The following MFAP1 variants were observed in gnomAD, a reference collection of about 807,000 sequenced individuals.
MFAP1 encodes the protein microfibrillar-associated protein 1.
In MFAP1, 18 loss-of-function variants were observed where a neutral mutation model predicts 62.2. The ratio of observed to expected loss-of-function variants is 0.29; its 90% confidence interval spans 0.20 to 0.43. The LOEUF (loss-of-function observed/expected upper bound fraction) is 0.43. Ranked by LOEUF, MFAP1 falls within the 20% of genes least tolerant of loss-of-function variation. The pLI is 1.00. For missense variants in MFAP1, 355 were observed against 559.7 expected, an observed-to-expected ratio of 0.63 and a Z score of 3.69; for synonymous variants, 175 against 180.4, an observed-to-expected ratio of 0.97 and a Z score of 0.24.
chr15:43,816,733 C>T (rs2087436372), intron 2 of MFAP1, among the ~76,000 whole-genome samples: 1 of 152,202 alleles, frequency 6.6e-6, no homozygotes, highest in Non-Finnish European at 1.5e-5. Flanking sequence ...AAAGTAATGT[C>T]TCCATCAATA....
intron 2 of MFAP1, among the ~76,000 whole-genome samples, chr15:43,815,786 AC>A (rs2087430384): frequency 6.6e-6 from 1 of 152,080 alleles, no homozygotes; most frequent in Admixed American, 6.6e-5. Context: ...GGCATGCACC[AC>A]CACACCCAGC....
At chr15:43,816,209 C>G (rs1010374144) in intron 2 of MFAP1, among the ~76,000 whole-genome samples, 4 of 151,718 alleles carry the variant, frequency 2.6e-5, no homozygotes, top group African/African-American at 9.7e-5. Context: ...GTTTTTTCCC[C>G]CCTGGGCACT....
intron 5 of MFAP1, 50 bp downstream of exon 5, chr15:43,813,199 C>A: frequency 1.2e-6 from 2 of 1,614,116 alleles, no homozygotes; most frequent in Non-Finnish European, 1.7e-6. Flanking sequence ...CTCAGACAAA[C>A]CTGATTACAC....
At chr15:43,809,974 C>T in intron 6 of MFAP1, 60 bp from the exon 7 acceptor site, 1 of 1,580,126 alleles carries the variant, frequency 6.3e-7, no homozygotes, top group Non-Finnish European at 8.7e-7. Flanking sequence ...ACCAAATTAT[C>T]TGAAAATAAC....
chr15:43,805,314 A>G, intron 8 of MFAP1, 38 bp from the exon 9 acceptor site: 1 of 1,599,424 alleles, frequency 6.3e-7, no homozygotes, highest in Non-Finnish European at 8.5e-7. Context: ...ACCACCAAAC[A>G]AACCATGCCT....
chr15:43,818,298 C>T (rs1385665656), intron 1 of MFAP1, among the ~76,000 whole-genome samples: 1 of 151,976 alleles, frequency 6.6e-6, no homozygotes, highest in African/African-American at 2.4e-5. Context: ...GGATTACAGG[C>T]GTGAGCCACA....
chr15:43,820,687 C>T (rs888705261), intron 1 of MFAP1, among the ~76,000 whole-genome samples: 3 of 152,142 alleles, frequency 2.0e-5, no homozygotes, highest in South Asian at 2.1e-4. Context: ...CTCACCGCAG[C>T]GTCAGCCTCC....
chr15:43,823,794 T>G lies in MFAP1; in HGVS notation c.79+697A>C, dbSNP rs552298653. On this transcript the variant is annotated intron_variant, in intron 1 of 8. Coordinates refer to ENST00000267812, the MANE Select transcript of MFAP1 (RefSeq NM_005926.3). ...GCTGTTAAGATGAATGAATTAGATG[T>G]ATAGGGATCCAAAGATAATTCTCAA... Among the ~76,000 whole-genome samples, 86 of 152,270 alleles carry G rather than the reference T, an allele frequency of 5.6e-4. 1 individual carries two copies. Among genetic ancestry groups the G allele is most frequent in the Middle Eastern group, 3.4e-3 (1 of 294 alleles).
chr15:43,817,468 T>C lies in MFAP1; in HGVS notation c.80-20A>G. ...TCTCACCTGGGCGAGAAAGGTAACTTATGTTTCAGTAGCCTCTTTCTCAAT... is the reference window on the plus strand; with the variant it reads ...TCTCACCTGGGCGAGAAAGGTAACTCATGTTTCAGTAGCCTCTTTCTCAAT... On this transcript the variant is annotated intron_variant, in intron 1 of 8. Transcript: ENST00000267812. 6.2e-7 allele frequency: 1 copy of C among 1,612,860 alleles called. No individual in the cohort carries two copies. Among genetic ancestry groups the C allele is most frequent in the South Asian group, 1.1e-5 (1 of 91,034 alleles).
chr15:43,806,650 G>A (rs768805576), intron 7 of MFAP1, among the ~76,000 whole-genome samples: 3 of 151,552 alleles, frequency 2.0e-5, no homozygotes, highest in Admixed American at 6.6e-5. Context: ...CAAGGCGGGC[G>A]GATCACGAGG....
At chr15:43,809,217 C>A (rs577076843) in intron 7 of MFAP1, among the ~76,000 whole-genome samples, 2 of 151,996 alleles carry the variant, frequency 1.3e-5, no homozygotes, top group East Asian at 3.9e-4. Context: ...ATGGCTCATG[C>A]CTGTATTCCT....
chr15:43,808,732 G>A (rs1191104914), intron 7 of MFAP1, among the ~76,000 whole-genome samples: 1 of 152,218 alleles, frequency 6.6e-6, no homozygotes, highest in Non-Finnish European at 1.5e-5. Flanking sequence ...GAGGGTGGCA[G>A]GGAAGCCGCC....
At chr15:43,806,459 C>T (rs1054086815) in intron 7 of MFAP1, among the ~76,000 whole-genome samples, 1 of 152,218 alleles carries the variant, frequency 6.6e-6, no homozygotes. Context: ...CTCTTACCAC[C>T]TGGGTTATTA....
rs768360268 is a variant in MFAP1 at position 43,814,536 on chromosome 15, C to T, written c.582G>A (p.Glu194=). 1 of 1,613,664 alleles carries T rather than the reference C, an allele frequency of 6.2e-7. No individual in the cohort carries two copies. The highest frequency in any genetic ancestry group is 1.7e-5 in the Admixed American group (1 of 59,918). The change falls in exon 4 of 9, where the codon GAG becomes GAA. Residue 194 remains glutamate (E), a synonymous_variant. Transcript: ENST00000267812. ...EYEEYTDSED[E]MEPRLKPVFI... ...AGACTGGCTTAAGGCGAGGCTCCAT[C>T]TCATCTTCACTGTCTGTGTACTCTT...
At chr15:43,823,839 T>TA (rs1417093475) in intron 1 of MFAP1, among the ~76,000 whole-genome samples, 1 of 152,148 alleles carries the variant, frequency 6.6e-6, no homozygotes, top group Non-Finnish European at 1.5e-5. Flanking sequence ...TGAGACTAGA[T>TA]ACGGCGGCAT....
chr15:43,822,839 T>C (rs1016584680), intron 1 of MFAP1, among the ~76,000 whole-genome samples: 3 of 151,872 alleles, frequency 2.0e-5, no homozygotes, highest in Admixed American at 6.6e-5. Context: ...TTAATTATTA[T>C]TATTATTATT....
chr15:43,810,430 G>A (rs181635958), intron 6 of MFAP1, among the ~76,000 whole-genome samples: 37 of 150,586 alleles, frequency 2.5e-4, no homozygotes, highest in African/African-American at 8.6e-4. Context: ...GCAGTGGTGT[G>A]ATCTTGGCTC....
Position 43,804,529 on chromosome 15 carries a change from T to A in MFAP1, c.*565A>T, listed in dbSNP as rs1269363177. On this transcript the variant is annotated 3_prime_UTR_variant, in exon 9 of 9. Coordinates refer to ENST00000267812, the MANE Select transcript of MFAP1 (RefSeq NM_005926.3). ...GTTATCTTTTACTTTAATAGGCAAT[T>A]AATACTTGTCAGCTTGGACATTTTA... 6.6e-6 allele frequency: 1 copy of A among 152,228 alleles called. No individual in the cohort carries two copies. Among genetic ancestry groups the A allele is most frequent in the Non-Finnish European group, 1.5e-5 (1 of 68,046 alleles). The allele number at this position is 152,228 out of a possible 1,614,324, so 9.4% of individuals were successfully genotyped here.
Position 43,824,596 on chromosome 15 carries a change from A to C in MFAP1, c.-27T>G. The C allele has an allele frequency of 6.2e-7, 1 of 1,613,200 alleles. No individual in the cohort carries two copies. The highest frequency in any genetic ancestry group is 8.5e-7 in the Non-Finnish European group (1 of 1,179,124). On this transcript the variant is annotated 5_prime_UTR_variant, in exon 1 of 9. Coordinates refer to ENST00000267812, the MANE Select transcript of MFAP1 (RefSeq NM_005926.3). ...TTGATGGCAGCGACGGTGATTCCCG[A>C]AACTTGACTAATTCCAAACAGTGAA...
Sources: gnomAD v4.1 joint callset for allele counts (sites outside exome capture counted in the v4.1 genomes callset) on GRCh38, gnomAD v4.1.1 for gene constraint, MANE v1.5 for transcripts, NCBI Gene and HGNC (gene_info 2026-07-23, HGNC 2026-07-21) for gene names.